TOR1AIP2: variants seen among roughly 807,000 people sequenced by gnomAD.
TOR1AIP2 encodes torsin-1A-interacting protein 2.
A neutral mutation model predicts 32.6 loss-of-function variants in TOR1AIP2; 20 were observed. That is an observed-to-expected ratio of 0.61 (90% CI 0.43 to 0.89). The LOEUF is 0.89. Among genes scored for constraint, TOR1AIP2 ranks in the 40% least tolerant of loss-of-function variants. The pLI, the probability that TOR1AIP2 is intolerant of heterozygous loss-of-function variation, is 0.00. For missense variants in TOR1AIP2, 456 were observed against 553.8 expected (o/e 0.82, Z 1.77); for synonymous variants, 214 against 210.8 (o/e 1.02, Z -0.13).
chr1:179,859,688 C>T (rs1436656087), intron 3 of TOR1AIP2: 1 of 985,418 alleles, frequency 1.0e-6, no homozygotes, highest in Non-Finnish European at 1.2e-6. Flanking sequence ...TGGGCCTAAA[C>T]ATTGTGACAA....
Position 179,850,867 on chromosome 1 carries a change from C to T in TOR1AIP2, c.531G>A (p.Leu177=). 1 of 1,613,794 alleles carries T rather than the reference C, an allele frequency of 6.2e-7. No individual in the cohort carries two copies. The highest frequency in any genetic ancestry group is 8.5e-7 in the Non-Finnish European group (1 of 1,179,738). ...TACCTGGGGCCAGCAGTCGCCTCCTCAGTGTATCCTCACCCTCTTGCCCTG... is the reference window on the plus strand; with the variant it reads ...TACCTGGGGCCAGCAGTCGCCTCCTTAGTGTATCCTCACCCTCTTGCCCTG... ...SSAGQEGEDT[L]RRRLLAPEAG... Residue 177 remains leucine (L), a synonymous_variant, in exon 5 of 7, where the codon CTG becomes CTA. Coordinates refer to ENST00000609928, the MANE Select transcript of TOR1AIP2 (RefSeq NM_001199260.2).
At chr1:179,864,522 A>C in intron 3 of TOR1AIP2, 1 of 1,181,926 alleles carries the variant, frequency 8.5e-7, no homozygotes, top group South Asian at 3.2e-5. Context: ...GTTAGTTCCA[A>C]AACAGTTTAT....
At chr1:179,857,083 A>C (rs776978486) in intron 3 of TOR1AIP2, among the ~76,000 whole-genome samples, 3 of 152,196 alleles carry the variant, frequency 2.0e-5, no homozygotes, top group Non-Finnish European at 4.4e-5. Flanking sequence ...CATGCCCCAA[A>C]ATAGATGCTT....
rs561277257 is a variant in TOR1AIP2, at chr1:179,862,440, A to G, written c.-147+2996T>C. 4.1e-6 allele frequency: 4 copies of G among 985,426 alleles called. No homozygotes were observed. The African/African-American group carries it at 7.0e-5, about 17-fold the overall frequency. 61.0% of individuals were successfully genotyped at this position (985,426 alleles called of 1,614,324 possible). ...TGATAAACTAACTAGTCTTCAGTCA[A>G]TTTAGCAGTTCACATAGTTTATTCA... is the stretch of plus-strand genomic sequence containing the variant. On this transcript the variant is annotated intron_variant, in intron 3 of 6. Coordinates refer to ENST00000609928, the MANE Select transcript of TOR1AIP2 (RefSeq NM_001199260.2).
At chr1:179,847,451 T>G in intron 6 of TOR1AIP2, 84 bp downstream of exon 6, 1 of 911,504 alleles carries the variant, frequency 1.1e-6, no homozygotes, top group Non-Finnish European at 1.8e-6. Flanking sequence ...TTAAAACTGT[T>G]TAAATCTGCT....
rs543014518 is a variant in TOR1AIP2, at chr1:179,847,674, A to G, written c.554-38T>C. On this transcript the variant is annotated intron_variant, in intron 5 of 6. Transcript: ENST00000609928. ...AGAATCAATATTATTTTTAGGCAGTACACTAATGACAGTATGTATACCTTT... is the reference window on the plus strand; with the variant it reads ...AGAATCAATATTATTTTTAGGCAGTGCACTAATGACAGTATGTATACCTTT... The G allele has an allele frequency of 1.0e-5, 13 of 1,300,138 alleles. No homozygotes were observed. The East Asian group carries it at 1.2e-4, about 12-fold the overall frequency. The allele number at this position is 1,300,138 out of a possible 1,614,324, so 80.5% of individuals were successfully genotyped here.
intron 3 of TOR1AIP2, chr1:179,864,764 T>C: frequency 1.9e-6 from 3 of 1,560,874 alleles, no homozygotes; most frequent in Non-Finnish European, 2.6e-6. Context: ...ACTTGACAAT[T>C]TTGACTATTA....
intron 4 of TOR1AIP2, 136 bp from the exon 5 acceptor site, chr1:179,851,499 T>G: frequency 1.5e-6 from 1 of 646,624 alleles, no homozygotes; most frequent in Non-Finnish European, 2.3e-6. Context: ...ATTATTTCTC[T>G]TGGCTCCCAC....
chr1:179,862,702 T>TG (rs1696592209), intron 3 of TOR1AIP2: 7 of 958,218 alleles, frequency 7.3e-6, no homozygotes, highest in Middle Eastern at 5.3e-4. Flanking sequence ...TCAGGGCAGG[T>TG]GGATCATCTG....
At chr1:179,863,615 G>A in intron 3 of TOR1AIP2, 2 of 978,584 alleles carry the variant, frequency 2.0e-6, no homozygotes, top group Non-Finnish European at 2.4e-6. Context: ...GATGGCTTGA[G>A]CCTAGGAGTT....
intron 3 of TOR1AIP2, among the ~76,000 whole-genome samples, chr1:179,855,112 T>A (rs1305873507): frequency 6.6e-6 from 1 of 152,142 alleles, no homozygotes; most frequent in African/African-American, 2.4e-5. Context: ...CAACTCCAGA[T>A]TAAAGACCTA....
chr1:179,861,571 C>CTGTT (rs377467164), intron 3 of TOR1AIP2: 2 of 985,210 alleles, frequency 2.0e-6, no homozygotes, highest in African/African-American at 3.5e-5. Context: ...CTGAACAAAA[C>CTGTT]TGTTTGTGAA....
chr1:179,875,520 T>C (rs1327453488), intron 2 of TOR1AIP2: 1 of 152,158 alleles, frequency 6.6e-6, no homozygotes, highest in Non-Finnish European at 1.5e-5. Context: ...AAGACACCAA[T>C]GTTTCAAAAT....
rs1473061566 is a variant in TOR1AIP2, at chr1:179,865,435, C to A, written c.-147+1G>T. 1 of 472,710 alleles carries A rather than the reference C, an allele frequency of 2.1e-6. No individual in the cohort carries two copies. The allele number at this position is 472,710 out of a possible 1,614,324, so 29.3% of individuals were successfully genotyped here. ...AGTTTATAATGTTATCAGTCACTTACTAGCAGTACAGATCTCAGGATAGCT... is the reference window on the plus strand; with the variant it reads ...AGTTTATAATGTTATCAGTCACTTAATAGCAGTACAGATCTCAGGATAGCT... On this transcript the variant is annotated splice_donor_variant, in intron 3 of 6. Transcript: ENST00000609928. LOFTEE classifies it low-confidence loss of function (5UTR_SPLICE).
At chr1:179,866,097 G>A (rs180785073) in intron 2 of TOR1AIP2, among the ~76,000 whole-genome samples, 120 of 152,228 alleles carry the variant, frequency 7.9e-4, no homozygotes, top group Middle Eastern at 3.4e-3. Context: ...TACTCCATGT[G>A]TGCCTTGGGA....
chr1:179,860,492 A>T (rs1325876311), intron 3 of TOR1AIP2: 1 of 985,338 alleles, frequency 1.0e-6, no homozygotes, highest in Admixed American at 6.2e-5. Context: ...AAAAAAACAA[A>T]ACAAAACAAG....
At chr1:179,859,701 A>C in intron 3 of TOR1AIP2, 1 of 985,478 alleles carries the variant, frequency 1.0e-6, no homozygotes, top group Non-Finnish European at 1.2e-6. Flanking sequence ...TGTGACAAAA[A>C]TCTGCCTTCG....
intron 3 of TOR1AIP2, chr1:179,859,923 C>G: frequency 1.3e-6 from 1 of 787,092 alleles, no homozygotes. Context: ...AAGCTCATAG[C>G]TCACTGAGGC....
intron 4 of TOR1AIP2, among the ~76,000 whole-genome samples, chr1:179,851,885 C>G (rs1167714254): frequency 6.6e-6 from 1 of 152,142 alleles, no homozygotes; most frequent in Non-Finnish European, 1.5e-5. Context: ...CAACCAGTTT[C>G]CAAGAAATAT....
Sources: allele counts gnomAD v4.1 joint callset (sites outside exome capture counted in the v4.1 genomes callset), GRCh38; gene constraint gnomAD v4.1.1; transcripts MANE v1.5; gene names NCBI Gene and HGNC (gene_info 2026-07-23, HGNC 2026-07-21).